Variants in PRDM6 observed in about 807,000 individuals in gnomAD.
PRDM6 encodes the protein putative histone-lysine N-methyltransferase PRDM6.
Under a neutral mutation model 60.8 loss-of-function variants are expected in PRDM6, and 25 were observed. That is an observed-to-expected ratio of 0.41 (90% CI 0.30 to 0.57). The LOEUF (loss-of-function observed/expected upper bound fraction) is 0.57, where lower values mean the gene tolerates loss of function less well. Among genes scored for constraint, PRDM6 ranks in the 20% least tolerant of loss-of-function variants. The pLI is 0.27. For synonymous variants in PRDM6, 407 were observed against 357.4 expected (o/e 1.14, Z -1.57); for missense variants, 839 against 821.3 (o/e 1.02, Z -0.26).
chr5:123,192,830 T>C lies in PRDM6; in HGVS notation c.*5629T>C, dbSNP rs1766457880. The C allele has an allele frequency of 6.6e-6, 1 of 152,228 alleles. No individual in the cohort carries two copies. Among genetic ancestry groups the C allele is most frequent in the Non-Finnish European group, 1.5e-5 (1 of 68,042 alleles). 9.4% of individuals were successfully genotyped at this position (152,228 alleles called of 1,614,324 possible). On this transcript the variant is annotated 3_prime_UTR_variant, in exon 8 of 8. Coordinates refer to ENST00000407847, the MANE Select transcript of PRDM6 (RefSeq NM_001136239.4). ...ACTTTCCAGGCATCAATGGAGTCAT[T>C]ACGCAGTTGTGTGCATTAAGAATAT...
At chr5:123,177,224 T>C (rs1766034959) in intron 6 of PRDM6, among the ~76,000 whole-genome samples, 1 of 152,240 alleles carries the variant, frequency 6.6e-6, no homozygotes, top group African/African-American at 2.4e-5. Flanking sequence ...TTGATCATTT[T>C]CTTTTATTCA....
At position 123,132,404 on chromosome 5, in the gene PRDM6, T is replaced by TTGTG. The variant is rs10692721; in HGVS notation, c.901-23466_901-23463dup. Among the ~76,000 whole-genome samples the TTGTG allele has an allele frequency of 1.0e-3, 152 of 151,160 alleles. 1 individual carries two copies. The South Asian group carries it at 0.019, about 19-fold the overall frequency. On this transcript the variant is annotated intron_variant, in intron 3 of 7. Transcript: ENST00000407847. ...AAGTAACAGCAAGTTATGTGGGTGG[T>TTGTG]TGTGTGTGTGTGTGTGTTTCCTCTT...
At position 123,111,782 on chromosome 5, in the gene PRDM6, C is replaced by T. The variant is rs1321626823; in HGVS notation, c.900+11821C>T. Among the ~76,000 whole-genome samples, 3 of 152,162 alleles carry T rather than the reference C, an allele frequency of 2.0e-5. No homozygotes were observed. In the East Asian group the frequency reaches 5.8e-4, roughly 29 times the overall value. Reference sequence around the variant, plus strand: ...TGGTTGTTTGCCCCGCTTCCTGCCTCTTCCCTTGTCTTTGCTACTCTTGAG... The same window carrying T: ...TGGTTGTTTGCCCCGCTTCCTGCCTTTTCCCTTGTCTTTGCTACTCTTGAG... On this transcript the variant is annotated intron_variant, in intron 3 of 7. Coordinates refer to ENST00000407847, the MANE Select transcript of PRDM6 (RefSeq NM_001136239.4).
intron 3 of PRDM6, among the ~76,000 whole-genome samples, chr5:123,149,966 G>A (rs988280558): frequency 1.2e-4 from 19 of 152,194 alleles, no homozygotes; most frequent in African/African-American, 2.6e-4. Flanking sequence ...CTTAGAAATA[G>A]TTTATTTGCA....
At chr5:123,117,087 A>T (rs1764467780) in intron 3 of PRDM6, among the ~76,000 whole-genome samples, 1 of 152,162 alleles carries the variant, frequency 6.6e-6, no homozygotes, top group African/African-American at 2.4e-5. Context: ...TTATGCACAT[A>T]ACTGGTCCCT....
At chr5:123,175,493 C>T (rs1209751968) in intron 6 of PRDM6, among the ~76,000 whole-genome samples, 1 of 152,292 alleles carries the variant, frequency 6.6e-6, no homozygotes, top group East Asian at 1.9e-4. Flanking sequence ...CACTTCTTCC[C>T]CATCCCCCAA....
intron 4 of PRDM6, among the ~76,000 whole-genome samples, chr5:123,157,412 C>T (rs959579044): frequency 6.6e-6 from 1 of 152,002 alleles, no homozygotes; most frequent in East Asian, 1.9e-4. Context: ...GTAATGGGTA[C>T]CCAGGGAGCT....
At chr5:123,177,085 T>G (rs927844311) in intron 6 of PRDM6, among the ~76,000 whole-genome samples, 1 of 152,236 alleles carries the variant, frequency 6.6e-6, no homozygotes, top group Non-Finnish European at 1.5e-5. Flanking sequence ...GAAGTTGTGA[T>G]GCCTGAGATT....
rs145171611 is a variant in PRDM6, at chr5:123,162,584, AG to A, written c.1153+2947del. Among the ~76,000 whole-genome samples the A allele has an allele frequency of 8.5e-3, 1,291 of 152,328 alleles. 26 individuals are homozygous for A. The highest frequency in any genetic ancestry group is 0.03 in the African/African-American group (1,229 of 41,560). ...TATTGTAGACTCAGTAGGAAAACTA[AG>A]TAGTTCTTTTGGGTTCCGTTCAGAG... On this transcript the variant is annotated intron_variant, in intron 5 of 7. Coordinates refer to ENST00000407847, the MANE Select transcript of PRDM6 (RefSeq NM_001136239.4).
At chr5:123,115,395 C>G (rs1033453980) in intron 3 of PRDM6, among the ~76,000 whole-genome samples, 4 of 152,134 alleles carry the variant, frequency 2.6e-5, no homozygotes, top group African/African-American at 7.2e-5. Flanking sequence ...CTGAAAATCT[C>G]TTTTACCTCC....
rs1766367748 is a variant in PRDM6 at position 123,189,680 on chromosome 5, AT to A, written c.*2483del. ...ATTCCACCAAATTTGGTCAGAAAATATTTTCTGCCTAACAAATAGAAAATTG... is the reference window on the plus strand; with the variant it reads ...ATTCCACCAAATTTGGTCAGAAAATATTTCTGCCTAACAAATAGAAAATTG... On this transcript the variant is annotated 3_prime_UTR_variant, in exon 8 of 8. Coordinates refer to ENST00000407847, the MANE Select transcript of PRDM6 (RefSeq NM_001136239.4). The A allele has an allele frequency of 1.3e-5, 2 of 152,290 alleles. No homozygotes were observed. Among genetic ancestry groups the A allele is most frequent in the East Asian group, 3.9e-4 (2 of 5,188 alleles). The allele number at this position is 152,290 out of a possible 1,614,324, so 9.4% of individuals were successfully genotyped here.
At chr5:123,158,862 A>T (rs1765566544) in intron 4 of PRDM6, among the ~76,000 whole-genome samples, 1 of 152,042 alleles carries the variant, frequency 6.6e-6, no homozygotes. Flanking sequence ...TACCAAAGCT[A>T]TTATAAAAAA....
chr5:123,154,433 A>T (rs1765447303), intron 3 of PRDM6, among the ~76,000 whole-genome samples: 1 of 152,202 alleles, frequency 6.6e-6, no homozygotes, highest in Non-Finnish European at 1.5e-5. Context: ...TTTTTAACAG[A>T]TTAATGTTTG....
chr5:123,194,264 C>T lies in PRDM6; in HGVS notation c.*7063C>T, dbSNP rs1402927635. The T allele has an allele frequency of 1.3e-5, 2 of 152,090 alleles. No individual in the cohort carries two copies. The highest frequency in any genetic ancestry group is 2.1e-4 in the South Asian group (1 of 4,816). The allele number at this position is 152,090 out of a possible 1,614,324, so 9.4% of individuals were successfully genotyped here. A position where few individuals can be genotyped will look rare whatever the true frequency, so the allele number is the denominator to read the frequency against. On this transcript the variant is annotated 3_prime_UTR_variant, in exon 8 of 8. Transcript: ENST00000407847. The stretch of plus-strand genomic sequence containing the variant: ...TTAATAAAACGTTTTTATGATGACT[C>T]GATCTTCCCTTGGATTCTGTCTTTT...
At chr5:123,167,215 A>G (rs1295496019) in intron 5 of PRDM6, among the ~76,000 whole-genome samples, 5 of 151,538 alleles carry the variant, frequency 3.3e-5, no homozygotes, top group African/African-American at 7.3e-5. Flanking sequence ...ATTGTAAACT[A>G]TCGTCACCCT....
Position 123,159,653 on chromosome 5 carries a change from T to G in PRDM6, c.1153+15T>G. The G allele has an allele frequency of 6.5e-7, 1 of 1,549,864 alleles. No individual in the cohort carries two copies. The highest frequency in any genetic ancestry group is 8.7e-7 in the Non-Finnish European group (1 of 1,146,062). ...GGATGAAAACTGTAAGAATTTATTT[T>G]AGCTCTGAATTCACATTTCAATATA... On this transcript the variant is annotated intron_variant, in intron 5 of 7. Coordinates refer to ENST00000407847, the MANE Select transcript of PRDM6 (RefSeq NM_001136239.4).
At position 123,193,768 on chromosome 5, in the gene PRDM6, G is replaced by C. The variant is rs1409696164; in HGVS notation, c.*6567G>C. On this transcript the variant is annotated 3_prime_UTR_variant, in exon 8 of 8. Coordinates refer to ENST00000407847, the MANE Select transcript of PRDM6 (RefSeq NM_001136239.4). Reference sequence around the variant, plus strand: ...GATGCTAATAGAAGTGTGATATTTAGATGCTATTAGGACATTGTATACATT... The same window carrying C: ...GATGCTAATAGAAGTGTGATATTTACATGCTATTAGGACATTGTATACATT... The C allele has an allele frequency of 6.6e-6, 1 of 152,164 alleles. No homozygotes were observed. The highest frequency in any genetic ancestry group is 1.5e-5 in the Non-Finnish European group (1 of 68,030). 9.4% of individuals were successfully genotyped at this position (152,164 alleles called of 1,614,324 possible).
intron 3 of PRDM6, among the ~76,000 whole-genome samples, chr5:123,142,171 G>T (rs1344253713): frequency 1.3e-5 from 2 of 152,066 alleles, no homozygotes; most frequent in East Asian, 3.9e-4. Context: ...TACTTGAAAT[G>T]GTTGCATTTT....
At chr5:123,113,014 A>G (rs1475857425) in intron 3 of PRDM6, among the ~76,000 whole-genome samples, 2 of 152,090 alleles carry the variant, frequency 1.3e-5, no homozygotes, top group African/African-American at 4.8e-5. Context: ...CCAGGTTTTA[A>G]AATATTAATA....
Sources: allele counts gnomAD v4.1 joint callset (sites outside exome capture counted in the v4.1 genomes callset), GRCh38; gene constraint gnomAD v4.1.1; transcripts MANE v1.5; gene names NCBI Gene and HGNC (gene_info 2026-07-23, HGNC 2026-07-21).